The following SCN2A variants were observed in gnomAD, a reference collection of about 807,000 sequenced individuals.
SCN2A encodes sodium voltage-gated channel alpha subunit 2.
SCN2A carries 20 observed loss-of-function variants against 188.7 expected under a neutral mutation model. That is an observed-to-expected ratio of 0.11 (90% CI 0.07 to 0.15). The LOEUF is 0.15. SCN2A is among the 10% of genes least tolerant of loss of function. The pLI, the probability that SCN2A is intolerant of heterozygous loss-of-function variation, is 1.00. For synonymous variants in SCN2A, 804 were observed against 833.1 expected (o/e 0.97, Z 0.60); for missense variants, 1,278 against 2,445.0 (o/e 0.52, Z 10.07).
chr2:165,345,925 A>G (rs1293554913), intron 16 of SCN2A, among the ~76,000 whole-genome samples: 1 of 152,064 alleles, frequency 6.6e-6, no homozygotes, highest in Admixed American at 6.5e-5. Context: ...ATCTCTTGGC[A>G]TTTGCTTGTC....
At chr2:165,311,085 G>A (rs1697398923) in intron 7 of SCN2A, among the ~76,000 whole-genome samples, 1 of 152,036 alleles carries the variant, frequency 6.6e-6, no homozygotes, top group Non-Finnish European at 1.5e-5. Context: ...AGAAGGTTAA[G>A]TAACCCTGAT....
chr2:165,274,343 C>T (rs1238426220), intron 1 of SCN2A: 3 of 144,272 alleles, frequency 2.1e-5, no homozygotes, highest in Admixed American at 7.0e-5. Context: ...TATCCTTATT[C>T]TAAGTAGGGG....
At chr2:165,355,930 C>T (rs938260047) in intron 17 of SCN2A, among the ~76,000 whole-genome samples, 13 of 147,884 alleles carry the variant, frequency 8.8e-5, no homozygotes, top group Admixed American at 6.2e-4. Flanking sequence ...ACCCAGGAGG[C>T]AGAGATTGCA....
At chr2:165,304,525 G>T (rs1208449487) in intron 3 of SCN2A, among the ~76,000 whole-genome samples, 1 of 152,208 alleles carries the variant, frequency 6.6e-6, no homozygotes, top group Non-Finnish European at 1.5e-5. Context: ...CTGTGAAATA[G>T]CAAGGCTATA....
In SCN2A at chr2:165,390,477, T is replaced by G. The variant is rs1702082738; in HGVS notation, c.*653T>G. ...GGATGTTTTTAGATTTTTGAGGTGCTTAAATAGCTATTCGTATTTTTAAGG... is the reference window on the plus strand; with the variant it reads ...GGATGTTTTTAGATTTTTGAGGTGCGTAAATAGCTATTCGTATTTTTAAGG... On this transcript the variant is annotated 3_prime_UTR_variant, in exon 27 of 27. Coordinates refer to ENST00000375437, the MANE Select transcript of SCN2A (RefSeq NM_001040142.2). 1 of 152,640 alleles carries G rather than the reference T, an allele frequency of 6.6e-6. No homozygotes were observed. The highest frequency in any genetic ancestry group is 2.4e-5 in the African/African-American group (1 of 41,448). 9.5% of individuals were successfully genotyped at this position (152,640 alleles called of 1,614,324 possible).
rs2304017 is a variant in SCN2A at position 165,331,125 on chromosome 2, T to G, written c.2150-205T>G. Among the ~76,000 whole-genome samples, 20,979 of 152,182 alleles carry G rather than the reference T, an allele frequency of 0.14. 1,505 individuals are homozygous for G. Among genetic ancestry groups the G allele is most frequent in the Non-Finnish European group, 0.15 (10,351 of 67,982 alleles). On this transcript the variant is annotated intron_variant, in intron 13 of 26. Transcript: ENST00000375437. ...TCTTGGAAGCTATGTTTAGCCAGGA[T>G]ACATTTGGAAAGCTTACTAGCCTTT... is the stretch of plus-strand genomic sequence containing the variant.
At chr2:165,243,695 A>G (rs900898178) in intron 1 of SCN2A, 1 of 150,900 alleles carries the variant, frequency 6.6e-6, no homozygotes, top group Admixed American at 6.6e-5. Context: ...TTTTTTCTCC[A>G]TTTCTTCTGG....
intron 11 of SCN2A, among the ~76,000 whole-genome samples, chr2:165,316,132 C>G (rs1433668404): frequency 7.2e-5 from 11 of 152,104 alleles, no homozygotes; most frequent in Admixed American, 7.2e-4. Flanking sequence ...CAGAAGTGGA[C>G]CAGAGACTCT....
At chr2:165,370,886 A>G (rs565186838) in intron 20 of SCN2A, 2 of 155,266 alleles carry the variant, frequency 1.3e-5, no homozygotes, top group African/African-American at 4.8e-5. Flanking sequence ...TATGAGGCAA[A>G]TCTACCATTA....
intron 16 of SCN2A, among the ~76,000 whole-genome samples, chr2:165,345,229 T>C (rs1025266558): frequency 6.6e-6 from 1 of 152,222 alleles, no homozygotes; most frequent in Non-Finnish European, 1.5e-5. Context: ...TTATAAGTAC[T>C]AGCAATAACA....
chr2:165,273,941 C>A (rs1695215437), intron 1 of SCN2A: 1 of 151,948 alleles, frequency 6.6e-6, no homozygotes, highest in African/African-American at 2.4e-5. Flanking sequence ...TTTCTGTTTT[C>A]ATTTGTAGAT....
intron 1 of SCN2A, among the ~76,000 whole-genome samples, chr2:165,280,618 A>G (rs766673070): frequency 6.6e-6 from 1 of 152,326 alleles, no homozygotes; most frequent in Admixed American, 6.5e-5. Flanking sequence ...GTGAAAGTAC[A>G]GATCCCTTGC....
intron 12 of SCN2A, 70 bp from the exon 13 acceptor site, chr2:165,326,782 G>GT (rs1698380766): frequency 1.5e-5 from 23 of 1,545,644 alleles, no homozygotes; most frequent in Non-Finnish European, 2.0e-5. Flanking sequence ...AATAACACCT[G>GT]TTGTAGGAAT....
chr2:165,241,273 C>G (rs547249828), intron 1 of SCN2A, among the ~76,000 whole-genome samples: 1 of 152,198 alleles, frequency 6.6e-6, no homozygotes, highest in East Asian at 1.9e-4. Context: ...GTCAAAGCAT[C>G]CAAGAAAACT....
intron 8 of SCN2A, 81 bp from the exon 9 acceptor site, chr2:165,313,539 A>C: frequency 1.3e-6 from 2 of 1,543,222 alleles, no homozygotes; most frequent in Non-Finnish European, 1.8e-6. Flanking sequence ...TAAAACAGAC[A>C]TTGGCATATA....
chr2:165,326,743 T>G, intron 12 of SCN2A, 109 bp from the exon 13 acceptor site: 1 of 1,215,752 alleles, frequency 8.2e-7, no homozygotes, highest in Non-Finnish European at 1.2e-6. Flanking sequence ...GCTTTTTACA[T>G]CTGAGAAAGC....
intron 25 of SCN2A, among the ~76,000 whole-genome samples, chr2:165,382,410 T>C (rs535909318): frequency 1.3e-5 from 2 of 152,116 alleles, no homozygotes; most frequent in Non-Finnish European, 2.9e-5. Context: ...GACAAGAAGA[T>C]AAACCCTTAC....
intron 1 of SCN2A, among the ~76,000 whole-genome samples, chr2:165,276,347 G>A (rs1360458608): frequency 2.0e-5 from 3 of 151,892 alleles, no homozygotes. Context: ...AAAGTTATTG[G>A]GCCATAGTAC....
intron 23 of SCN2A, among the ~76,000 whole-genome samples, chr2:165,378,033 G>A (rs975618819): frequency 6.6e-6 from 1 of 151,494 alleles, no homozygotes; most frequent in Non-Finnish European, 1.5e-5. Flanking sequence ...CCTTATAATA[G>A]GAAGGATATG....
Sources: allele counts gnomAD v4.1 joint callset (sites outside exome capture counted in the v4.1 genomes callset), GRCh38; gene constraint gnomAD v4.1.1; transcripts MANE v1.5; gene names NCBI Gene and HGNC (gene_info 2026-07-23, HGNC 2026-07-21).